The following TOP3A variants were observed in gnomAD, a reference collection of about 807,000 sequenced individuals.
The protein encoded by TOP3A is DNA topoisomerase III alpha.
Under a neutral mutation model 111.3 loss-of-function variants are expected in TOP3A, and 64 were observed. That is an observed-to-expected ratio of 0.57 (90% CI 0.47 to 0.71). The LOEUF is 0.71. Ranked by LOEUF, TOP3A falls within the 30% of genes least tolerant of loss-of-function variation. The pLI, the probability that TOP3A is intolerant of heterozygous loss-of-function variation, is 0.00. For synonymous variants in TOP3A, 484 were observed against 485.1 expected (o/e 1.00, Z 0.03); for missense variants, 1,104 against 1,285.0 (o/e 0.86, Z 2.15).
chr17:18,287,584 C>T (rs1269601886), intron 13 of TOP3A, among the ~76,000 whole-genome samples: 1 of 151,976 alleles, frequency 6.6e-6, no homozygotes, highest in Non-Finnish European at 1.5e-5. Context: ...GGTATGGCAA[C>T]ACATGCCTGT....
At chr17:18,305,763 G>T (rs937857491) in intron 4 of TOP3A, among the ~76,000 whole-genome samples, 1 of 152,124 alleles carries the variant, frequency 6.6e-6, no homozygotes, top group Non-Finnish European at 1.5e-5. Context: ...GCATGAACCC[G>T]GGAGGCGCAG....
chr17:18,279,491 C>T (rs1567734745), intron 17 of TOP3A, among the ~76,000 whole-genome samples: 1 of 87,102 alleles, frequency 1.1e-5, no homozygotes, highest in Non-Finnish European at 2.4e-5. Flanking sequence ...CTCCTGACCT[C>T]GTGATCCACC....
At position 18,301,901 on chromosome 17, in the gene TOP3A, T is replaced by C. The variant is rs766595854; in HGVS notation, c.899A>G (p.Tyr300Cys). Residue 300 changes from tyrosine to cysteine, a missense_variant, in exon 8 of 19, where the codon TAT (tyrosine) becomes TGT (cysteine). By Grantham distance (194) the Tyr-to-Cys change is radical (BLOSUM62 -2). Coordinates refer to ENST00000321105, the MANE Select transcript of TOP3A (RefSeq NM_004618.5). ...LFNHTACLVL[Y>C]QLCVEDPMAT... is the part of the protein sequence containing the mutation. The stretch of plus-strand genomic sequence containing the variant: ...GGTTCTTACCTCCACACACAACTGA[T>C]AGAGAACTAGGCAAGCCGTGTGGTT... The C allele has an allele frequency of 2.1e-5, 34 of 1,613,992 alleles. No individual in the cohort carries two copies. The highest frequency in any genetic ancestry group is 1.8e-4 in the Admixed American group (11 of 59,994).
At chr17:18,306,347 C>T (rs373271609) in intron 4 of TOP3A, among the ~76,000 whole-genome samples, 263 of 152,218 alleles carry the variant, frequency 1.7e-3, no homozygotes, top group Non-Finnish European at 2.8e-3. Flanking sequence ...GGGGGCTACG[C>T]GCTAATAATT....
rs1980043318 is a variant in TOP3A, at chr17:18,285,558, A to G, written c.1598-38T>C. ...TGCTGGTTACTCTGAGGTAATACAG[A>G]CAACAGCTCCACCCGGGTGGCGCAT... On this transcript the variant is annotated intron_variant, in intron 13 of 18. Transcript: ENST00000321105. 6 of 1,588,544 alleles carry G rather than the reference A, an allele frequency of 3.8e-6. No homozygotes were observed. The East Asian group carries it at 1.3e-4, about 36-fold the overall frequency.
At chr17:18,305,892 A>G (rs2142988798) in intron 4 of TOP3A, among the ~76,000 whole-genome samples, 1 of 151,800 alleles carries the variant, frequency 6.6e-6, no homozygotes, top group African/African-American at 2.4e-5. Context: ...TTTCATCCAA[A>G]GTTTTATCAG....
Position 18,278,361 on chromosome 17 carries a change from G to C in TOP3A, c.2145-4C>G. The C allele has an allele frequency of 6.6e-7, 1 of 1,510,454 alleles. No homozygotes were observed. 93.6% of individuals were successfully genotyped at this position (1,510,454 alleles called of 1,614,324 possible). A position where few individuals can be genotyped will look rare whatever the true frequency, so the allele number is the denominator to read the frequency against. The stretch of plus-strand genomic sequence containing the variant: ...GCGCTTAAACTTTAACTTTAACCTA[G>C]TGAGGCCAGAAGATGAGAAAAAACA... On this transcript the variant is annotated splice_region_variant and splice_polypyrimidine_tract_variant and intron_variant, in intron 17 of 18. Coordinates refer to ENST00000321105, the MANE Select transcript of TOP3A (RefSeq NM_004618.5).
intron 1 of TOP3A, among the ~76,000 whole-genome samples, chr17:18,311,725 A>G (rs569282623): frequency 6.6e-6 from 1 of 152,368 alleles, no homozygotes; most frequent in African/African-American, 2.4e-5. Flanking sequence ...ACAAAAATCA[A>G]ATAAATGATC....
intron 15 of TOP3A, among the ~76,000 whole-genome samples, chr17:18,284,832 G>A (rs567182799): frequency 6.6e-6 from 1 of 152,160 alleles, no homozygotes; most frequent in Non-Finnish European, 1.5e-5. Context: ...AAAGCCAATA[G>A]TTCAGAATAA....
In TOP3A at chr17:18,274,651, T is replaced by A; in HGVS notation, c.*151A>T. 1 of 1,317,288 alleles carries A rather than the reference T, an allele frequency of 7.6e-7. No homozygotes were observed. Among genetic ancestry groups the A allele is most frequent in the Non-Finnish European group, 1.0e-6 (1 of 984,742 alleles). 81.6% of individuals were successfully genotyped at this position (1,317,288 alleles called of 1,614,324 possible). A position where few individuals can be genotyped will look rare whatever the true frequency, so the allele number is the denominator to read the frequency against. ...CTGCTCCAGAGTGATCTGGACCTTG[T>A]GCCCCTTAACACAAGAAGGCCCGAC... On this transcript the variant is annotated 3_prime_UTR_variant, in exon 19 of 19. Transcript: ENST00000321105.
chr17:18,299,417 C>G (rs140848442), intron 9 of TOP3A, 142 bp downstream of exon 9: 1 of 758,546 alleles, frequency 1.3e-6, no homozygotes, highest in Non-Finnish European at 2.3e-6. Flanking sequence ...TAAGCAGGAC[C>G]GTGTCTTTCT....
intron 1 of TOP3A, among the ~76,000 whole-genome samples, chr17:18,311,186 G>A (rs1981888810): frequency 1.3e-5 from 2 of 151,872 alleles, no homozygotes; most frequent in African/African-American, 4.8e-5. Flanking sequence ...ATTTTTAGTA[G>A]AGACAGGGTT....
rs550630236 is a variant in TOP3A at position 18,314,970 on chromosome 17, T to G, written c.-192A>C. On this transcript the variant is annotated 5_prime_UTR_variant, in exon 1 of 19. Transcript: ENST00000321105. ...CCGCAGCCGCCGCCTCAGCACCGAA[T>G]CCAGTATCTTGGCGTGGAACTTCCG... is the stretch of plus-strand genomic sequence containing the variant. The G allele has an allele frequency of 3.4e-4, 71 of 206,416 alleles. No homozygotes were observed. Among genetic ancestry groups the G allele is most frequent in the African/African-American group, 1.7e-3 (70 of 42,340 alleles). The allele number at this position is 206,416 out of a possible 1,614,324, so 12.8% of individuals were successfully genotyped here.
chr17:18,277,546 G>A, intron 18 of TOP3A, 129 bp downstream of exon 18: 3 of 1,020,550 alleles, frequency 2.9e-6, no homozygotes, highest in Non-Finnish European at 4.3e-6. Flanking sequence ...AAAGTGAGGT[G>A]CAAGGCAGCC....
intron 17 of TOP3A, among the ~76,000 whole-genome samples, chr17:18,278,959 A>G (rs191125210): frequency 1.3e-5 from 2 of 152,270 alleles, no homozygotes; most frequent in East Asian, 3.9e-4. Flanking sequence ...GCCTGGTGAC[A>G]GAGCAAGACT....
Position 18,314,953 on chromosome 17 carries a change from G to A in TOP3A, c.-175C>T, listed in dbSNP as rs530511320. On this transcript the variant is annotated 5_prime_UTR_variant, in exon 1 of 19. Transcript: ENST00000321105. ...ACTGAGCCTTTCCCGTGCCGCAGCC[G>A]CCGCCTCAGCACCGAATCCAGTATC... 43 of 238,272 alleles carry A rather than the reference G, an allele frequency of 1.8e-4. No homozygotes were observed. The highest frequency in any genetic ancestry group is 1.5e-3 in the Middle Eastern group (1 of 672). 14.8% of individuals were successfully genotyped at this position (238,272 alleles called of 1,614,324 possible).
intron 9 of TOP3A, among the ~76,000 whole-genome samples, chr17:18,295,989 G>A (rs898697941): frequency 2.7e-5 from 4 of 146,422 alleles, no homozygotes; most frequent in East Asian, 4.2e-4. Context: ...GGATGGTCTC[G>A]ATCTCCTACC....
rs926611149 is a variant in TOP3A at position 18,280,556 on chromosome 17, A to G, written c.2124T>C (p.Cys708=). ...CTCACCTGTACACAGGGTGTGGCTG[A>G]CAAACTGGACACACACTGCTGTCCC... is the stretch of plus-strand genomic sequence containing the variant. ...ASRDSSVCPV[C]QPHPVYRLKL... is the part of the protein sequence containing the mutation. The change falls in exon 17 of 19, where the codon TGT becomes TGC. Residue 708 remains cysteine, a synonymous_variant. Coordinates refer to ENST00000321105, the MANE Select transcript of TOP3A (RefSeq NM_004618.5). 3.7e-5 allele frequency: 59 copies of G among 1,613,602 alleles called. No homozygotes were observed. The highest frequency in any genetic ancestry group is 4.7e-5 in the Non-Finnish European group (55 of 1,179,848).
intron 13 of TOP3A, among the ~76,000 whole-genome samples, chr17:18,288,147 AT>A: frequency 7.5e-5 from 10 of 134,124 alleles, no homozygotes; most frequent in African/African-American, 2.0e-4. Flanking sequence ...ATATATATAT[AT>A]AAATTTTTTT....
Sources: allele counts gnomAD v4.1 joint callset (sites outside exome capture counted in the v4.1 genomes callset), GRCh38; gene constraint gnomAD v4.1.1; transcripts MANE v1.5; gene names NCBI Gene and HGNC (gene_info 2026-07-23, HGNC 2026-07-21).